The following HERC1 variants were observed in gnomAD, a reference collection of about 807,000 sequenced individuals.
The protein encoded by HERC1 is probable E3 ubiquitin-protein ligase HERC1.
Under a neutral mutation model 554.3 loss-of-function variants are expected in HERC1, and 160 were observed. The ratio of observed to expected loss-of-function variants is 0.29; its 90% CI spans 0.25 to 0.33. The LOEUF (loss-of-function observed/expected upper bound fraction) is 0.33, where lower values mean the gene tolerates loss of function less well. Ranked by LOEUF, HERC1 falls within the 10% of genes least tolerant of loss-of-function variation. The pLI is 1.00. For missense variants in HERC1, 4,919 were observed against 5,918.5 expected (o/e 0.83, Z 5.54); for synonymous variants, 2,175 against 2,131.7 (o/e 1.02, Z -0.56).
intron 40 of HERC1, among the ~76,000 whole-genome samples, chr15:63,666,907 G>A (rs548578178): frequency 8.5e-5 from 13 of 152,300 alleles, no homozygotes; most frequent in Non-Finnish European, 1.8e-4. Flanking sequence ...GCTCTCATGT[G>A]AAAAACAAGT....
intron 2 of HERC1, 25 bp downstream of exon 2, chr15:63,774,669 T>TA: frequency 6.6e-7 from 1 of 1,519,558 alleles, no homozygotes; most frequent in Non-Finnish European, 8.9e-7. Flanking sequence ...TTATGAACTT[T>TA]AAAGTTGAGA....
chr15:63,709,490 T>C (rs898096388), intron 24 of HERC1, among the ~76,000 whole-genome samples: 2 of 152,196 alleles, frequency 1.3e-5, no homozygotes, highest in African/African-American at 4.8e-5. Flanking sequence ...AATTTATTCT[T>C]CACAACACAG....
At chr15:63,684,709 G>GA (rs148434448) in intron 34 of HERC1, among the ~76,000 whole-genome samples, 4,221 of 152,060 alleles carry the variant, frequency 0.028, 187 homozygotes, top group African/African-American at 0.096. Flanking sequence ...TCTAGCGGGG[G>GA]AAAAAAATCT....
At chr15:63,699,876 A>C (rs1388536782) in intron 25 of HERC1, among the ~76,000 whole-genome samples, 1 of 152,152 alleles carries the variant, frequency 6.6e-6, no homozygotes, top group Non-Finnish European at 1.5e-5. Flanking sequence ...ACAAATCTTT[A>C]ATTTAACTGG....
intron 1 of HERC1, among the ~76,000 whole-genome samples, chr15:63,788,658 T>C (rs753161951): frequency 1.3e-5 from 2 of 152,192 alleles, no homozygotes; most frequent in Non-Finnish European, 2.9e-5. Flanking sequence ...GGCTCATGCC[T>C]GCAATCCCAG....
In HERC1 at chr15:63,640,326, G is replaced by T. The variant is rs2068980357; in HGVS notation, c.11727C>A (p.His3909Gln). Residue 3909 changes from histidine to glutamine, a missense_variant, in exon 61 of 78, where the codon CAC becomes CAA. His to Gln is a conservative substitution (Grantham distance 24). This residue lies in a region of HERC1 where 1,963 missense variants were observed against 2,228.6 expected (regional missense o/e 0.88). Transcript: ENST00000443617. ...LLCNPPVPPH[H>Q]QNCLPDPASW... ...ATGCAGGGTCAGGGAGACAGTTCTG[G>T]TGGTGTGGTGGCACTGGAGGGTTAC... The T allele has an allele frequency of 6.2e-7, 1 of 1,613,742 alleles. No individual in the cohort carries two copies. The highest frequency in any genetic ancestry group is 8.5e-7 in the Non-Finnish European group (1 of 1,179,814).
intron 26 of HERC1, among the ~76,000 whole-genome samples, chr15:63,697,393 T>C (rs936282644): frequency 1.3e-5 from 2 of 151,922 alleles, no homozygotes; most frequent in Admixed American, 6.6e-5. Context: ...GAATACCACA[T>C]AAAGTGTTCT....
In HERC1 at chr15:63,786,923, T is replaced by A. The variant is rs546891447; in HGVS notation, c.-26-11274A>T. Among the ~76,000 whole-genome samples, 51 of 150,270 alleles carry A rather than the reference T, an allele frequency of 3.4e-4. 1 individual carries two copies. The highest frequency in any genetic ancestry group is 5.8e-4 in the East Asian group (3 of 5,184). Reference sequence around the variant, plus strand: ...AACTTCAACTCAATAAATTATTATTTTTTTTTTTTTTATTTTTTGAGACGG... The same window carrying A: ...AACTTCAACTCAATAAATTATTATTATTTTTTTTTTTATTTTTTGAGACGG... On this transcript the variant is annotated intron_variant, in intron 1 of 77. Transcript: ENST00000443617.
At chr15:63,797,770 C>G (rs528024333) in intron 1 of HERC1, among the ~76,000 whole-genome samples, 1 of 152,228 alleles carries the variant, frequency 6.6e-6, no homozygotes, top group African/African-American at 2.4e-5. Context: ...CAGGAGATTA[C>G]AAAATGTTTA....
At chr15:63,803,405 G>A (rs2077048867) in intron 1 of HERC1, among the ~76,000 whole-genome samples, 1 of 151,916 alleles carries the variant, frequency 6.6e-6, no homozygotes, top group African/African-American at 2.4e-5. Flanking sequence ...ACATCGTGGT[G>A]TATATCATGC....
At chr15:63,725,600 TAA>T in intron 17 of HERC1, 87 bp from the exon 18 acceptor site, 2 of 940,618 alleles carry the variant, frequency 2.1e-6, no homozygotes, top group Non-Finnish European at 3.3e-6. Context: ...CGTACTGCAA[TAA>T]GATACTGATG....
chr15:63,628,908 A>G lies in HERC1; in HGVS notation c.12967-93T>C, dbSNP rs145880094. ...TTTTCTTAGATGGTGGCAGACATAAATAAGTTAATAACTGTACCATGCATC... is the reference window on the plus strand; with the variant it reads ...TTTTCTTAGATGGTGGCAGACATAAGTAAGTTAATAACTGTACCATGCATC... On this transcript the variant is annotated intron_variant, in intron 69 of 77. Transcript: ENST00000443617. 4.3e-4 allele frequency: 521 copies of G among 1,209,466 alleles called. 2 individuals carry two copies. In the African/African-American group the frequency reaches 7.1e-3, roughly 16 times the overall value. The allele number at this position is 1,209,466 out of a possible 1,614,324, so 74.9% of individuals were successfully genotyped here.
In HERC1 at chr15:63,773,540, A is replaced by AT. The variant is rs958091465; in HGVS notation, c.930+1153dup. ...TCTTAATATTTTAAATTTGTATTTT[A>AT]TTTTTTTTTATTTTATTTTATTTTT... On this transcript the variant is annotated intron_variant, in intron 2 of 77. Coordinates refer to ENST00000443617, the MANE Select transcript of HERC1 (RefSeq NM_003922.4). 8.8e-5 allele frequency among the ~76,000 whole-genome samples: 13 copies of AT among 147,384 alleles called. No individual in the cohort carries two copies. The East Asian group carries it at 9.8e-4, about 11-fold the overall frequency.
chr15:63,813,389 A>C (rs1239600599), intron 1 of HERC1, among the ~76,000 whole-genome samples: 1 of 151,818 alleles, frequency 6.6e-6, no homozygotes, highest in Admixed American at 6.6e-5. Flanking sequence ...CCATACATAG[A>C]TTACTCCAAA....
rs1333643730 is a variant in HERC1, at chr15:63,665,907, C to T, written c.8555+12G>A. On this transcript the variant is annotated intron_variant, in intron 42 of 77. Transcript: ENST00000443617. The stretch of plus-strand genomic sequence containing the variant: ...AACACATGGAACAAAAGTACAGAAA[C>T]TGGAATTTCACCTTTCACTAAAACC... 3.1e-6 allele frequency: 5 copies of T among 1,596,788 alleles called. No individual in the cohort carries two copies. Among genetic ancestry groups the T allele is most frequent in the Non-Finnish European group, 4.3e-6 (5 of 1,166,040 alleles).
chr15:63,717,949 C>G (rs531444610), intron 21 of HERC1, among the ~76,000 whole-genome samples: 1 of 152,220 alleles, frequency 6.6e-6, no homozygotes, highest in East Asian at 1.9e-4. Context: ...GCCTATTTTC[C>G]TAACATTCAG....
chr15:63,609,211 G>A lies in HERC1; in HGVS notation c.14456C>T (p.Pro4819Leu), dbSNP rs756534965. ...GGCCATGACCAGCTGGCTGGAGTAC[G>A]GGGGCAGCCTCAGCTGGAAGAAGCA... ...QTCFFQLRLP[P>L]YSSQLVMAER... Residue 4819 changes from proline (P) to leucine (L), a missense_variant, in exon 78 of 78, where the codon CCG becomes CTG. Around this residue, in one of 11 missense-constraint regions of HERC1, gnomAD observed 71 missense variants for 101.4 expected, o/e 0.70. Coordinates refer to ENST00000443617, the MANE Select transcript of HERC1 (RefSeq NM_003922.4). 2.8e-5 allele frequency: 45 copies of A among 1,613,378 alleles called. No individual in the cohort carries two copies. Among genetic ancestry groups the A allele is most frequent in the South Asian group, 4.4e-5 (4 of 90,900 alleles).
intron 1 of HERC1, among the ~76,000 whole-genome samples, chr15:63,832,147 A>T (rs1567174710): frequency 6.6e-6 from 1 of 152,182 alleles, no homozygotes; most frequent in Non-Finnish European, 1.5e-5. Context: ...CAACCTTGTC[A>T]TGTGATTTGG....
chr15:63,789,095 T>G (rs1181580317), intron 1 of HERC1, among the ~76,000 whole-genome samples: 1,384 of 121,420 alleles, frequency 0.011, 53 homozygotes, highest in African/African-American at 0.043. Context: ...TTTTTTTTTT[T>G]TTTTTTTTTT....
Sources: gnomAD v4.1 joint callset for allele counts (sites outside exome capture counted in the v4.1 genomes callset) on GRCh38, gnomAD v4.1.1 for gene constraint, gnomAD v4.1.1 regional missense constraint, MANE v1.5 for transcripts, NCBI Gene and HGNC (gene_info 2026-07-23, HGNC 2026-07-21) for gene names.